Variants in GALNT17 observed in about 807,000 individuals in gnomAD.
GALNT17 encodes polypeptide N-acetylgalactosaminyltransferase 17, also known as UDP-GalNAc:polypeptide N-acetylgalactosaminyltransferase-like 3.
GALNT17 carries 29 observed loss-of-function variants against 63.7 expected under a neutral mutation model. The ratio of observed to expected loss-of-function variants is 0.46; its 90% CI spans 0.34 to 0.62. The LOEUF is 0.62. Ranked by LOEUF, GALNT17 falls within the 20% of genes least tolerant of loss-of-function variation. GALNT17 has a pLI of 0.01. For synonymous variants in GALNT17, 305 were observed against 318.3 expected, an observed-to-expected ratio of 0.96 and a Z score of 0.45; for missense variants, 603 against 799.6, an observed-to-expected ratio of 0.75 and a Z score of 2.97.
At chr7:71,487,091 G>A (rs57269404) in intron 5 of GALNT17, among the ~76,000 whole-genome samples, 2,208 of 152,256 alleles carry the variant, frequency 0.015, 53 homozygotes, top group African/African-American at 0.05. Flanking sequence ...GCAGCTGTGC[G>A]TCAGAGCTCC....
chr7:71,377,875 G>T (rs1792774634), intron 2 of GALNT17, among the ~76,000 whole-genome samples: 2 of 152,170 alleles, frequency 1.3e-5, no homozygotes, highest in Non-Finnish European at 2.9e-5. Context: ...TTGCTTCCCT[G>T]TTGCTTTCTG....
In GALNT17 at chr7:71,244,464, G is replaced by C. The variant is rs74323249; in HGVS notation, c.239-91086G>C. On this transcript the variant is annotated intron_variant, in intron 1 of 10. Coordinates refer to ENST00000333538, the MANE Select transcript of GALNT17 (RefSeq NM_022479.3). ...TTTGGAGACACACAGATCTGAGTTT[G>C]AACCTCAACTCTGCCCTTTATTAGT... 9.9e-3 allele frequency among the ~76,000 whole-genome samples: 1,509 copies of C among 152,228 alleles called. 23 individuals carry two copies. The highest frequency in any genetic ancestry group is 0.035 in the African/African-American group (1,441 of 41,536).
At chr7:71,540,937 A>G (rs1584036035) in intron 5 of GALNT17, among the ~76,000 whole-genome samples, 2 of 152,048 alleles carry the variant, frequency 1.3e-5, no homozygotes, top group African/African-American at 4.8e-5. Flanking sequence ...TCGAAGAGTT[A>G]TGCTAAAGAA....
intron 6 of GALNT17, among the ~76,000 whole-genome samples, chr7:71,601,134 CAT>C (rs914753797): frequency 5.9e-5 from 9 of 151,624 alleles, no homozygotes; most frequent in African/African-American, 1.9e-4. Flanking sequence ...ATATATATAT[CAT>C]ATATATATGA....
At chr7:71,515,810 G>A (rs1788436273) in intron 5 of GALNT17, among the ~76,000 whole-genome samples, 1 of 152,178 alleles carries the variant, frequency 6.6e-6, no homozygotes, top group Non-Finnish European at 1.5e-5. Flanking sequence ...AAAAATTACA[G>A]TAGGATCTGG....
In GALNT17 at chr7:71,586,970, G is replaced by T. The variant is rs1044682413; in HGVS notation, c.1080+15568G>T. Among the ~76,000 whole-genome samples, 7 of 151,954 alleles carry T rather than the reference G, an allele frequency of 4.6e-5. 1 individual carries two copies. Among genetic ancestry groups the T allele is most frequent in the Non-Finnish European group, 8.8e-5 (6 of 68,008 alleles). ...TAGGTCTTATTTCTTCTATCCAACT[G>T]TATGTTTGTATCCATTAATCAAGCT... On this transcript the variant is annotated intron_variant, in intron 6 of 10. Transcript: ENST00000333538.
chr7:71,502,530 G>A (rs1387602127), intron 5 of GALNT17, among the ~76,000 whole-genome samples: 1 of 152,168 alleles, frequency 6.6e-6, no homozygotes, highest in East Asian at 1.9e-4. Flanking sequence ...CATGCATCTT[G>A]GGAGCCTTGA....
chr7:71,381,928 G>T (rs951892798), intron 2 of GALNT17, among the ~76,000 whole-genome samples: 2 of 152,194 alleles, frequency 1.3e-5, no homozygotes, highest in East Asian at 3.9e-4. Context: ...GGGTGGTTCT[G>T]TCTAGAGCTG....
At chr7:71,455,420 G>A (rs1414354606) in intron 5 of GALNT17, among the ~76,000 whole-genome samples, 1 of 152,024 alleles carries the variant, frequency 6.6e-6, no homozygotes, top group Non-Finnish European at 1.5e-5. Context: ...TGCCAGGTGG[G>A]GTCCAGTCAG....
At chr7:71,451,928 A>G (rs533391383) in intron 5 of GALNT17, among the ~76,000 whole-genome samples, 61 of 152,066 alleles carry the variant, frequency 4.0e-4, no homozygotes, top group Non-Finnish European at 7.2e-4. Context: ...TAAAATTTTG[A>G]TTTGGGCACA....
At chr7:71,505,446 A>C (rs894577710) in intron 5 of GALNT17, among the ~76,000 whole-genome samples, 2 of 152,152 alleles carry the variant, frequency 1.3e-5, no homozygotes, top group Non-Finnish European at 2.9e-5. Context: ...AAAAAAATAT[A>C]AACATTAGCC....
chr7:71,444,444 C>A (rs958861412), intron 5 of GALNT17, among the ~76,000 whole-genome samples: 1 of 152,148 alleles, frequency 6.6e-6, no homozygotes, highest in Non-Finnish European at 1.5e-5. Flanking sequence ...AGGATATAGA[C>A]ACCTGCAGGC....
intron 3 of GALNT17, among the ~76,000 whole-genome samples, chr7:71,396,958 A>G (rs778035582): frequency 3.3e-5 from 5 of 152,088 alleles, no homozygotes; most frequent in Admixed American, 1.3e-4. Context: ...TTGTATGTTC[A>G]TGTTGTATCC....
intron 1 of GALNT17, among the ~76,000 whole-genome samples, chr7:71,206,508 A>G (rs1255793815): frequency 2.0e-5 from 3 of 152,142 alleles, no homozygotes; most frequent in Non-Finnish European, 4.4e-5. Context: ...TTGTAATACT[A>G]CTTTTTAAGA....
chr7:71,303,101 G>A (rs2115891210), intron 1 of GALNT17, among the ~76,000 whole-genome samples: 1 of 151,398 alleles, frequency 6.6e-6, no homozygotes, highest in South Asian at 2.1e-4. Flanking sequence ...CTGACCTCAT[G>A]ATCCACCCAC....
At chr7:71,335,409 A>G in intron 1 of GALNT17, 141 bp from the exon 2 acceptor site, 1 of 832,274 alleles carries the variant, frequency 1.2e-6, no homozygotes, top group Non-Finnish European at 1.7e-6. Flanking sequence ...CAGGGCCTAT[A>G]CCTGAGTTGG....
intron 5 of GALNT17, among the ~76,000 whole-genome samples, chr7:71,478,395 C>T (rs982262687): frequency 3.9e-5 from 6 of 152,024 alleles, no homozygotes. Flanking sequence ...CTCACTGCAG[C>T]CTGGAACTCA....
chr7:71,337,279 A>G (rs1583871702), intron 2 of GALNT17, among the ~76,000 whole-genome samples: 1 of 151,856 alleles, frequency 6.6e-6, no homozygotes, highest in South Asian at 2.1e-4. Flanking sequence ...GTTATTTTCA[A>G]TTTTTCATTA....
chr7:71,527,078 G>A (rs1371385149), intron 5 of GALNT17, among the ~76,000 whole-genome samples: 2 of 152,000 alleles, frequency 1.3e-5, no homozygotes, highest in Non-Finnish European at 2.9e-5. Flanking sequence ...CTCTTTTTGT[G>A]TCTGGTCTGT....
Sources: allele counts gnomAD v4.1 joint callset (sites outside exome capture counted in the v4.1 genomes callset), GRCh38; gene constraint gnomAD v4.1.1; transcripts MANE v1.5; gene names NCBI Gene and HGNC (gene_info 2026-07-23, HGNC 2026-07-21).